The following FHOD3 variants were observed in gnomAD, a reference collection of about 807,000 sequenced individuals.
FHOD3 encodes formin homology 2 domain containing 3.
A neutral mutation model predicts 173.0 loss-of-function variants in FHOD3; 90 were observed. The ratio of observed to expected loss-of-function variants is 0.52; its 90% CI spans 0.44 to 0.62. The LOEUF (loss-of-function observed/expected upper bound fraction) is 0.62, where lower values mean the gene tolerates loss of function less well. Among genes scored for constraint, FHOD3 ranks in the 20% least tolerant of loss-of-function variants. FHOD3 has a pLI of 0.00. For synonymous variants in FHOD3, 828 were observed against 823.0 expected, an observed-to-expected ratio of 1.01 and a Z score of -0.10; for missense variants, 1,945 against 2,034.7, an observed-to-expected ratio of 0.96 and a Z score of 0.85.
intron 5 of FHOD3, among the ~76,000 whole-genome samples, chr18:36,528,182 A>G (rs986916402): frequency 6.6e-6 from 1 of 152,182 alleles, no homozygotes; most frequent in African/African-American, 2.4e-5. Context: ...GGGAGAACAA[A>G]CCTGTAGCAC....
At chr18:36,326,504 C>T (rs1000214915) in intron 1 of FHOD3, among the ~76,000 whole-genome samples, 5 of 151,552 alleles carry the variant, frequency 3.3e-5, no homozygotes, top group East Asian at 1.9e-4. Context: ...CGGTTGCTCA[C>T]GCCTTGTAAT....
chr18:36,751,984 A>G (rs2042421199), intron 24 of FHOD3, among the ~76,000 whole-genome samples: 1 of 152,212 alleles, frequency 6.6e-6, no homozygotes, highest in South Asian at 2.1e-4. Context: ...ATTGACTCAC[A>G]GTTCTGCACC....
chr18:36,639,421 C>G (rs989823090), intron 10 of FHOD3, among the ~76,000 whole-genome samples: 12 of 152,064 alleles, frequency 7.9e-5, no homozygotes, highest in Non-Finnish European at 1.5e-5. Flanking sequence ...CTCTGTAATC[C>G]CAGCAATTTG....
chr18:36,550,661 A>C (rs1017869674), intron 5 of FHOD3, among the ~76,000 whole-genome samples: 1 of 152,104 alleles, frequency 6.6e-6, no homozygotes, highest in East Asian at 1.9e-4. Flanking sequence ...CATATCTTTC[A>C]TGTAATTCAT....
chr18:36,643,954 A>G (rs192508951), intron 10 of FHOD3, among the ~76,000 whole-genome samples: 8 of 152,130 alleles, frequency 5.3e-5, no homozygotes, highest in Admixed American at 2.0e-4. Flanking sequence ...AGCAACATTC[A>G]TTTTCCTTTT....
At chr18:36,465,576 G>C (rs968226399) in intron 3 of FHOD3, among the ~76,000 whole-genome samples, 1 of 152,170 alleles carries the variant, frequency 6.6e-6, no homozygotes, top group African/African-American at 2.4e-5. Context: ...ACTGCTTCCA[G>C]GGGTGTGATG....
intron 3 of FHOD3, among the ~76,000 whole-genome samples, chr18:36,387,184 C>T (rs184188132): frequency 2.0e-3 from 297 of 152,184 alleles, no homozygotes; most frequent in African/African-American, 6.9e-3. Flanking sequence ...GGGTGTCCTG[C>T]TTGAGGGGAG....
chr18:36,309,792 C>A (rs2092206069), intron 1 of FHOD3, among the ~76,000 whole-genome samples: 1 of 152,186 alleles, frequency 6.6e-6, no homozygotes, highest in African/African-American at 2.4e-5. Flanking sequence ...GAACTGAGTG[C>A]ATTTTTGTGG....
At chr18:36,502,027 C>T in intron 4 of FHOD3, 28 bp downstream of exon 4, 2 of 1,487,716 alleles carry the variant, frequency 1.3e-6, no homozygotes, top group South Asian at 2.4e-5. Flanking sequence ...AAGTACTTAC[C>T]TGTTTTTACA....
intron 1 of FHOD3, among the ~76,000 whole-genome samples, chr18:36,310,154 A>G (rs1018731095): frequency 2.0e-5 from 3 of 152,236 alleles, no homozygotes; most frequent in Admixed American, 6.5e-5. Flanking sequence ...CTGAGTTGAC[A>G]TGACATTAAA....
At chr18:36,303,555 G>T (rs1378931065) in intron 1 of FHOD3, among the ~76,000 whole-genome samples, 1 of 152,160 alleles carries the variant, frequency 6.6e-6, no homozygotes, top group Non-Finnish European at 1.5e-5. Context: ...TGAAATGTTA[G>T]TTCTTAATAG....
chr18:36,428,691 G>A (rs893003637), intron 3 of FHOD3, among the ~76,000 whole-genome samples: 6 of 152,148 alleles, frequency 3.9e-5, no homozygotes, highest in African/African-American at 1.2e-4. Flanking sequence ...TCTGCTGACT[G>A]GGCCCTCTAA....
intron 3 of FHOD3, among the ~76,000 whole-genome samples, chr18:36,450,642 AATT>A (rs1420551916): frequency 6.6e-6 from 1 of 151,704 alleles, no homozygotes; most frequent in African/African-American, 2.4e-5. Flanking sequence ...AAATAAAAAT[AATT>A]AGCTGGGCAT....
At chr18:36,777,233 C>T (rs986465099) in intron 28 of FHOD3, among the ~76,000 whole-genome samples, 8 of 137,760 alleles carry the variant, frequency 5.8e-5, no homozygotes, top group Non-Finnish European at 1.1e-4. Flanking sequence ...GATGGGGCCT[C>T]GCTCTGTCAC....
In FHOD3 at chr18:36,502,007, G is replaced by A; in HGVS notation, c.405+8G>A. ...CTGAAGCAGATATTTCAGGTAAATAGGAAAAAAATAAGTACTTACCTGTTT... is the reference window on the plus strand; with the variant it reads ...CTGAAGCAGATATTTCAGGTAAATAAGAAAAAAATAAGTACTTACCTGTTT... On this transcript the variant is annotated splice_region_variant and intron_variant, in intron 4 of 28. Transcript: ENST00000590592. 6.3e-7 allele frequency: 1 copy of A among 1,587,608 alleles called. No individual in the cohort carries two copies. Among genetic ancestry groups the A allele is most frequent in the Non-Finnish European group, 8.6e-7 (1 of 1,162,946 alleles).
intron 16 of FHOD3, among the ~76,000 whole-genome samples, chr18:36,691,493 C>T (rs2038959658): frequency 6.6e-6 from 1 of 152,228 alleles, no homozygotes. Context: ...CTGCCTCTTA[C>T]CCTTAAAATT....
chr18:36,570,330 C>A (rs1468317633), intron 5 of FHOD3, among the ~76,000 whole-genome samples: 1 of 152,032 alleles, frequency 6.6e-6, no homozygotes, highest in Non-Finnish European at 1.5e-5. Context: ...CCACAAACTA[C>A]CAAAACCCAC....
At chr18:36,589,476 G>T (rs868857625) in intron 6 of FHOD3, among the ~76,000 whole-genome samples, 1 of 152,282 alleles carries the variant, frequency 6.6e-6, no homozygotes, top group Non-Finnish European at 1.5e-5. Flanking sequence ...AGCTGGAAAG[G>T]GCTGGCTGGA....
At chr18:36,486,764 CA>C (rs1379903233) in intron 3 of FHOD3, among the ~76,000 whole-genome samples, 1 of 152,140 alleles carries the variant, frequency 6.6e-6, no homozygotes, top group South Asian at 2.1e-4. Flanking sequence ...TCAAACAAGA[CA>C]AAAAATATTT....
Sources: allele counts gnomAD v4.1 joint callset (sites outside exome capture counted in the v4.1 genomes callset), GRCh38; gene constraint gnomAD v4.1.1; transcripts MANE v1.5; gene names NCBI Gene and HGNC (gene_info 2026-07-23, HGNC 2026-07-21).